The following ZNF385A variants were observed in gnomAD, a reference collection of about 807,000 sequenced individuals.
ZNF385A encodes the protein zinc finger protein 385A.
ZNF385A carries 14 observed loss-of-function variants against 32.1 expected under a neutral mutation model. The observed-to-expected ratio is 0.44, with a 90% confidence interval of 0.29 to 0.68. The LOEUF is 0.68. Among genes scored for constraint, ZNF385A ranks in the 30% least tolerant of loss-of-function variants. The pLI is 0.14. For synonymous variants in ZNF385A, 197 were observed against 202.7 expected, an observed-to-expected ratio of 0.97 and a Z score of 0.24; for missense variants, 406 against 478.4, an observed-to-expected ratio of 0.85 and a Z score of 1.41.
At chr12:54,390,489 T>G in intron 1 of ZNF385A, among the ~76,000 whole-genome samples, 1 of 150,752 alleles carries the variant, frequency 6.6e-6, no homozygotes, top group Admixed American at 6.6e-5. Flanking sequence ...AAGGCAGGGG[T>G]GGAGGGAGAA....
At chr12:54,376,376 C>G (rs1228622402) in intron 1 of ZNF385A, among the ~76,000 whole-genome samples, 4 of 152,106 alleles carry the variant, frequency 2.6e-5, no homozygotes. Flanking sequence ...TCAGCTGAAG[C>G]CTCTGAGCCC....
chr12:54,371,008 T>G lies in ZNF385A; in HGVS notation c.693A>C (p.Glu231Asp). The G allele has an allele frequency of 6.2e-7, 1 of 1,614,164 alleles. No homozygotes were observed. The highest frequency in any genetic ancestry group is 8.5e-7 in the Non-Finnish European group (1 of 1,180,004). ...TTCGGTCCTGGGCAGGAGCCTCTGG[T>G]TCCCCCGGGGTGGGAGGCCCCAGCC... ...YPRLGPPTPG[E>D]PEAPAQDRTF... Residue 231 changes from glutamate (E) to aspartate (D), a missense_variant, in exon 5 of 7, where the codon GAA (glutamate) becomes GAC (aspartate). Glu to Asp is a conservative substitution (Grantham distance 45). Coordinates refer to ENST00000394313, the MANE Select transcript of ZNF385A (RefSeq NM_015481.3).
intron 1 of ZNF385A, among the ~76,000 whole-genome samples, chr12:54,383,039 G>A (rs1288334513): frequency 1.3e-5 from 2 of 151,970 alleles, no homozygotes; most frequent in African/African-American, 4.8e-5. Flanking sequence ...GTACGTGCCT[G>A]TAATCCCAGC....
Position 54,374,046 on chromosome 12 carries a change from G to T in ZNF385A, c.288C>A (p.Gly96=). ...EAAKTRGREP[G]VREPGDPAPP... ...GAGCTGGGTCTCCAGGTTCTCGGAC[G>T]CCAGGCTCCCTGCCTCTGGTCTTGG... is the stretch of plus-strand genomic sequence containing the variant. Residue 96 remains glycine, a synonymous_variant, in exon 3 of 7, where the codon GGC becomes GGA. Transcript: ENST00000394313. The T allele has an allele frequency of 6.2e-7, 1 of 1,601,270 alleles. No homozygotes were observed. The highest frequency in any genetic ancestry group is 8.5e-7 in the Non-Finnish European group (1 of 1,171,448).
At chr12:54,383,327 A>G (rs569679058) in intron 1 of ZNF385A, among the ~76,000 whole-genome samples, 1 of 151,724 alleles carries the variant, frequency 6.6e-6, no homozygotes, top group Non-Finnish European at 1.5e-5. Flanking sequence ...GTCATCCTTG[A>G]CTCATGCCTT....
At chr12:54,376,829 A>G (rs1954872664) in intron 1 of ZNF385A, among the ~76,000 whole-genome samples, 1 of 152,240 alleles carries the variant, frequency 6.6e-6, no homozygotes, top group Non-Finnish European at 1.5e-5. Context: ...CCAGGGGCTC[A>G]GAGGTGTGAA....
chr12:54,380,259 G>C (rs998712442), intron 1 of ZNF385A, among the ~76,000 whole-genome samples: 1 of 152,212 alleles, frequency 6.6e-6, no homozygotes, highest in Non-Finnish European at 1.5e-5. Context: ...CAATGTGCCA[G>C]CTTCTGTACT....
At chr12:54,377,545 G>A (rs978189315) in intron 1 of ZNF385A, among the ~76,000 whole-genome samples, 1 of 152,144 alleles carries the variant, frequency 6.6e-6, no homozygotes, top group Admixed American at 6.5e-5. Context: ...TCTGCGTCGG[G>A]GGCTTTGATG....
chr12:54,374,137 T>G lies in ZNF385A; in HGVS notation c.199-2A>C. On this transcript the variant is annotated splice_acceptor_variant, in intron 2 of 6. Coordinates refer to ENST00000394313, the MANE Select transcript of ZNF385A (RefSeq NM_015481.3). LOFTEE classifies it high-confidence loss of function. ...TTTGTAGTGCGCCTCAGCCTGGCTC[T>G]TTAGGGATGGAGGAAGAAAATGGAA... 3 of 1,499,252 alleles carry G rather than the reference T, an allele frequency of 2.0e-6. No individual in the cohort carries two copies. Among genetic ancestry groups the G allele is most frequent in the Non-Finnish European group, 2.7e-6 (3 of 1,114,400 alleles). The allele number at this position is 1,499,252 out of a possible 1,614,324, so 92.9% of individuals were successfully genotyped here.
At chr12:54,382,506 G>A (rs972081509) in intron 1 of ZNF385A, among the ~76,000 whole-genome samples, 1 of 152,316 alleles carries the variant, frequency 6.6e-6, no homozygotes, top group Non-Finnish European at 1.5e-5. Context: ...GGCACATACT[G>A]TGTCAACTTA....
chr12:54,385,249 T>C (rs1955414645), upstream of ZNF385A: 1 of 152,288 alleles, frequency 6.6e-6, no homozygotes, highest in Admixed American at 6.5e-5. Flanking sequence ...AATGCTCAGC[T>C]ACAGGTCCAG....
At chr12:54,384,939 C>T, upstream of ZNF385A, 2 of 1,020,506 alleles carry the variant, frequency 2.0e-6, no homozygotes, top group Non-Finnish European at 2.3e-6. Context: ...GTTTTGCTTT[C>T]CCCCAGGGGA....
chr12:54,375,834 G>T lies in ZNF385A; in HGVS notation c.198+10C>A, dbSNP rs1346993435. 1 of 1,612,720 alleles carries T rather than the reference G, an allele frequency of 6.2e-7. No individual in the cohort carries two copies. The stretch of plus-strand genomic sequence containing the variant: ...CACCCACTGGGTAGATGAGCAGCTT[G>T]GCTTCTTACCTGAGAATTGAAGCGG... On this transcript the variant is annotated intron_variant, in intron 2 of 6. Coordinates refer to ENST00000394313, the MANE Select transcript of ZNF385A (RefSeq NM_015481.3).
intron 1 of ZNF385A, among the ~76,000 whole-genome samples, chr12:54,380,061 C>T (rs2097911263): frequency 6.6e-6 from 1 of 152,110 alleles, no homozygotes. Context: ...GAGGGACGTC[C>T]AAGGGCAGAG....
intron 1 of ZNF385A, among the ~76,000 whole-genome samples, chr12:54,380,860 C>T (rs544691754): frequency 4.5e-4 from 68 of 152,194 alleles, no homozygotes; most frequent in African/African-American, 1.6e-3. Flanking sequence ...AATACTATCC[C>T]ATTCTCAGCC....
Position 54,371,466 on chromosome 12 carries a change from T to G in ZNF385A, c.604+7A>C. On this transcript the variant is annotated splice_region_variant and intron_variant, in intron 4 of 6. Transcript: ENST00000394313. ...GAGAGTCTGGGTGGGGGCAGGGGAGTCCATACCTTTGTTATGTGCCTCAAG... is the reference window on the plus strand; with the variant it reads ...GAGAGTCTGGGTGGGGGCAGGGGAGGCCATACCTTTGTTATGTGCCTCAAG... 1 of 1,602,370 alleles carries G rather than the reference T, an allele frequency of 6.2e-7. No individual in the cohort carries two copies. Among genetic ancestry groups the G allele is most frequent in the Non-Finnish European group, 8.5e-7 (1 of 1,176,902 alleles).
chr12:54,370,913 G>C lies in ZNF385A; in HGVS notation c.774+14C>G, dbSNP rs1410351758. 2 of 1,614,150 alleles carry C rather than the reference G, an allele frequency of 1.2e-6. No individual in the cohort carries two copies. The highest frequency in any genetic ancestry group is 2.2e-5 in the East Asian group (1 of 44,878). Reference sequence around the variant, plus strand: ...GGAGCGTCCCAGAATTCCTGGGAAGGGCCTTAGACCCACCTGTTTCAGTTG... The same window carrying C: ...GGAGCGTCCCAGAATTCCTGGGAAGCGCCTTAGACCCACCTGTTTCAGTTG... On this transcript the variant is annotated intron_variant, in intron 5 of 6. Transcript: ENST00000394313. The surrounding 1 kb of genome is among the most constrained non-coding windows in gnomAD (Gnocchi z 5.5).
rs144343816 is a variant in ZNF385A, at chr12:54,374,100, G to A, written c.234C>T (p.His78=). ...QAEAHYKGNR[H]ARRVKGIEAA... Reference sequence around the variant, plus strand: ...CCTCAATGCCTTTGACTCGTCGGGCGTGGCGATTACCTTTGTAGTGCGCCT... The same window carrying A: ...CCTCAATGCCTTTGACTCGTCGGGCATGGCGATTACCTTTGTAGTGCGCCT... The change falls in exon 3 of 7, where the codon CAC becomes CAT. Residue 78 remains histidine (H), a synonymous_variant. Transcript: ENST00000394313. 62 of 1,587,452 alleles carry A rather than the reference G, an allele frequency of 3.9e-5. No homozygotes were observed. Among genetic ancestry groups the A allele is most frequent in the Middle Eastern group, 3.4e-4 (2 of 5,940 alleles).
chr12:54,373,125 C>CTGTGTGTGTGTGTGTGTGTGTGTG, intron 3 of ZNF385A: 1 of 139,118 alleles, frequency 7.2e-6, no homozygotes, highest in East Asian at 2.2e-4. Context: ...TGAGGGGGTT[C>CTGTGTGTGTGTGTGTGTGTGTGTG]TGTGTGTGTG....
Sources: allele counts gnomAD v4.1 joint callset (sites outside exome capture counted in the v4.1 genomes callset), GRCh38; gene constraint gnomAD v4.1.1; non-coding constraint Gnocchi (gnomAD v3.1); transcripts MANE v1.5; gene names NCBI Gene and HGNC (gene_info 2026-07-23, HGNC 2026-07-21).